Variants in NDST3 observed in about 807,000 individuals in gnomAD.
NDST3 encodes the protein bifunctional heparan sulfate N-deacetylase/N-sulfotransferase 3.
In NDST3, 58 loss-of-function variants were observed where a neutral mutation model predicts 96.1. The ratio of observed to expected loss-of-function variants is 0.60; its 90% confidence interval spans 0.49 to 0.75. NDST3 has a LOEUF of 0.75. NDST3 is among the 30% of genes least tolerant of loss of function. The pLI, the probability that NDST3 is intolerant of heterozygous loss-of-function variation, is 0.00. For missense variants in NDST3, 788 were observed against 1,034.2 expected (o/e 0.76, Z 3.27); for synonymous variants, 333 against 359.7 (o/e 0.93, Z 0.84).
intron 1 of NDST3, among the ~76,000 whole-genome samples, chr4:118,049,328 C>A (rs151300609): frequency 9.9e-5 from 15 of 151,620 alleles, no homozygotes; most frequent in South Asian, 2.1e-4. Flanking sequence ...AATAAAGGAA[C>A]AAACATACCC....
chr4:118,199,852 T>C (rs1450166931), intron 6 of NDST3, among the ~76,000 whole-genome samples: 1 of 152,070 alleles, frequency 6.6e-6, no homozygotes, highest in African/African-American at 2.4e-5. Flanking sequence ...TCCAGAAGAA[T>C]TATCTGGATT....
intron 1 of NDST3, among the ~76,000 whole-genome samples, chr4:118,049,861 G>A (rs1211885111): frequency 1.3e-5 from 2 of 152,130 alleles, no homozygotes; most frequent in South Asian, 2.1e-4. Context: ...TGAGGAGAAG[G>A]GGCTTCTTCC....
intron 6 of NDST3, among the ~76,000 whole-genome samples, chr4:118,166,360 T>C (rs777305268): frequency 3.3e-5 from 5 of 151,820 alleles, no homozygotes; most frequent in Non-Finnish European, 7.4e-5. Context: ...CTTGAAGAAA[T>C]AGAAAATCTG....
intron 9 of NDST3, 78 bp from the exon 10 acceptor site, chr4:118,236,968 G>A: frequency 9.2e-7 from 1 of 1,092,456 alleles, no homozygotes; most frequent in Non-Finnish European, 1.2e-6. Context: ...ATGAATTTGT[G>A]GGACACTTTT....
chr4:118,108,839 C>A (rs1194817897), intron 3 of NDST3, among the ~76,000 whole-genome samples: 3 of 152,026 alleles, frequency 2.0e-5, no homozygotes, highest in Non-Finnish European at 4.4e-5. Flanking sequence ...CTCTGAATTT[C>A]TTAGATCAAT....
At chr4:118,060,619 T>C (rs1036008512) in intron 2 of NDST3, among the ~76,000 whole-genome samples, 4 of 152,132 alleles carry the variant, frequency 2.6e-5, no homozygotes, top group Non-Finnish European at 5.9e-5. Context: ...GCCCCACTTG[T>C]TATATTTCTT....
At chr4:118,073,134 T>G (rs1157969017) in intron 2 of NDST3, among the ~76,000 whole-genome samples, 1 of 152,140 alleles carries the variant, frequency 6.6e-6, no homozygotes, top group African/African-American at 2.4e-5. Flanking sequence ...TTGCTAATAT[T>G]TTGTTGAGGA....
chr4:118,168,599 T>C (rs1216180362), intron 6 of NDST3, among the ~76,000 whole-genome samples: 2 of 152,140 alleles, frequency 1.3e-5, no homozygotes, highest in Non-Finnish European at 2.9e-5. Context: ...AACTACCATA[T>C]GATTCAACAA....
intron 7 of NDST3, among the ~76,000 whole-genome samples, chr4:118,225,988 T>G (rs1739854733): frequency 6.6e-6 from 1 of 152,068 alleles, no homozygotes; most frequent in Non-Finnish European, 1.5e-5. Context: ...TTTAAACTGT[T>G]TTTTTGTTTT....
At chr4:118,179,886 A>C (rs1269300988) in intron 6 of NDST3, among the ~76,000 whole-genome samples, 1 of 152,104 alleles carries the variant, frequency 6.6e-6, no homozygotes, top group Admixed American at 6.6e-5. Flanking sequence ...AATGTAATTT[A>C]AGGTTGAAAC....
chr4:118,066,224 T>TTA lies in NDST3; in HGVS notation c.981+11341_981+11342dup, dbSNP rs1238658617. Among the ~76,000 whole-genome samples, 3 of 67,984 alleles carry TTA rather than the reference T, an allele frequency of 4.4e-5. No homozygotes were observed. In the East Asian group the frequency reaches 1.2e-3, roughly 27 times the overall value. 44.6% of individuals were successfully genotyped at this position (67,984 alleles called of 152,430 possible). On this transcript the variant is annotated intron_variant, in intron 2 of 13. Coordinates refer to ENST00000296499, the MANE Select transcript of NDST3 (RefSeq NM_004784.3). Reference sequence around the variant, plus strand: ...TATTTTATATATTATACATAATATATTATATATATTATATATTATATATAT... The same window carrying TTA: ...TATTTTATATATTATACATAATATATTATATATATATTATATATTATATATAT...
At chr4:118,114,718 T>C (rs922236217) in intron 3 of NDST3, 88 bp from the exon 4 acceptor site, 48 of 1,382,118 alleles carry the variant, frequency 3.5e-5, no homozygotes, top group Non-Finnish European at 4.8e-5. Context: ...TAAATACATA[T>C]ACGAGAAAAG....
chr4:118,052,002 G>A (rs1280030656), intron 1 of NDST3, among the ~76,000 whole-genome samples: 1 of 151,982 alleles, frequency 6.6e-6, no homozygotes, highest in Non-Finnish European at 1.5e-5. Context: ...TTAAAACAGA[G>A]CTATCACTTG....
chr4:118,072,021 T>C (rs545154019), intron 2 of NDST3, among the ~76,000 whole-genome samples: 1 of 151,618 alleles, frequency 6.6e-6, no homozygotes, highest in East Asian at 1.9e-4. Flanking sequence ...ATTTTTTATA[T>C]GAAGATCAGA....
chr4:118,255,762 C>G lies in NDST3; in HGVS notation c.*50C>G, dbSNP rs1269875560. The G allele has an allele frequency of 6.7e-7, 1 of 1,500,336 alleles. No individual in the cohort carries two copies. The highest frequency in any genetic ancestry group is 9.0e-7 in the Non-Finnish European group (1 of 1,117,154). The allele number at this position is 1,500,336 out of a possible 1,614,324, so 92.9% of individuals were successfully genotyped here. A position where few individuals can be genotyped will look rare whatever the true frequency, so the allele number is the denominator to read the frequency against. Reference sequence around the variant, plus strand: ...ATCGTCCATGTAGAACACACCTTTTCCAAAGCTTCCAGAAGCTACCAAAAG... The same window carrying G: ...ATCGTCCATGTAGAACACACCTTTTGCAAAGCTTCCAGAAGCTACCAAAAG... On this transcript the variant is annotated 3_prime_UTR_variant, in exon 14 of 14. Transcript: ENST00000296499.
At chr4:118,101,436 T>G (rs1729756015) in intron 2 of NDST3, among the ~76,000 whole-genome samples, 1 of 152,022 alleles carries the variant, frequency 6.6e-6, no homozygotes, top group South Asian at 2.1e-4. Flanking sequence ...ATTTTGAAAT[T>G]TTTGTGTTAA....
chr4:118,056,985 T>A (rs1725485373), intron 2 of NDST3, among the ~76,000 whole-genome samples: 1 of 151,892 alleles, frequency 6.6e-6, no homozygotes, highest in Non-Finnish European at 1.5e-5. Context: ...AGGACAGAGT[T>A]CAAAGGCAAG....
chr4:118,163,204 G>A (rs1177823406), intron 6 of NDST3, among the ~76,000 whole-genome samples: 1 of 151,994 alleles, frequency 6.6e-6, no homozygotes. Flanking sequence ...AATTCCTCAG[G>A]GATCTAGAAC....
chr4:118,234,158 T>TC (rs1740487573), intron 9 of NDST3, among the ~76,000 whole-genome samples: 1 of 152,142 alleles, frequency 6.6e-6, no homozygotes, highest in Non-Finnish European at 1.5e-5. Flanking sequence ...ACATGTGTAA[T>TC]CCCAGCATTT....
Sources: allele counts gnomAD v4.1 joint callset (sites outside exome capture counted in the v4.1 genomes callset), GRCh38; gene constraint gnomAD v4.1.1; transcripts MANE v1.5; gene names NCBI Gene and HGNC (gene_info 2026-07-23, HGNC 2026-07-21).